LINGO2: variants seen among roughly 807,000 people sequenced by gnomAD.
LINGO2 encodes leucine-rich repeat and immunoglobulin-like domain-containing nogo receptor-interacting protein 2.
In LINGO2, 14 loss-of-function variants were observed where a neutral mutation model predicts 30.6. The ratio of observed to expected loss-of-function variants is 0.46; its 90% CI spans 0.30 to 0.72. The LOEUF (loss-of-function observed/expected upper bound fraction) is 0.72. Ranked by LOEUF, LINGO2 falls within the 30% of genes least tolerant of loss-of-function variation. LINGO2 has a pLI of 0.07. For missense variants in LINGO2, 729 were observed against 751.7 expected (o/e 0.97, Z 0.35); for synonymous variants, 317 against 288.5 (o/e 1.10, Z -1.00).
the LINGO2 span, among the ~76,000 whole-genome samples, chr9:28,941,015 C>A: frequency 5.2e-4 from 77 of 147,366 alleles, no homozygotes; most frequent in South Asian, 6.4e-4. Flanking sequence ...TTTCTCTCCA[C>A]AAAAAAAAAT....
the LINGO2 span, among the ~76,000 whole-genome samples, chr9:28,707,180 T>C: frequency 6.6e-6 from 1 of 152,096 alleles, no homozygotes; most frequent in African/African-American, 2.4e-5. Context: ...AAATAAATAA[T>C]TGTTGAATCA....
chr9:28,466,787 G>C (rs1467603826), intron 2 of LINGO2, among the ~76,000 whole-genome samples: 2 of 152,106 alleles, frequency 1.3e-5, no homozygotes, highest in East Asian at 3.9e-4. Context: ...CTAAAAGTGT[G>C]ACTTTAACTC....
the LINGO2 span, among the ~76,000 whole-genome samples, chr9:28,987,064 T>C: frequency 6.8e-6 from 1 of 146,944 alleles, no homozygotes; most frequent in Non-Finnish European, 1.5e-5. Flanking sequence ...GTTTATAAGT[T>C]CTAACAGGTT....
chr9:28,122,185 T>C (rs1318395708), intron 4 of LINGO2, among the ~76,000 whole-genome samples: 1 of 152,218 alleles, frequency 6.6e-6, no homozygotes, highest in Non-Finnish European at 1.5e-5. Flanking sequence ...TAGTGTATGC[T>C]TTCTCAGTGT....
At chr9:28,476,616 T>C (rs1825740711) in intron 1 of LINGO2, among the ~76,000 whole-genome samples, 1 of 152,250 alleles carries the variant, frequency 6.6e-6, no homozygotes, top group Non-Finnish European at 1.5e-5. Flanking sequence ...AGGAAACTCA[T>C]GTTTAAAGCC....
chr9:28,938,822 C>T, the LINGO2 span, among the ~76,000 whole-genome samples: 48 of 152,198 alleles, frequency 3.2e-4, no homozygotes, highest in African/African-American at 1.1e-3. Context: ...AAGTGATATA[C>T]GATCACACTG....
chr9:28,848,401 A>ATGTG, the LINGO2 span, among the ~76,000 whole-genome samples: 3 of 46,448 alleles, frequency 6.5e-5, no homozygotes, highest in Non-Finnish European at 9.3e-5. Context: ...GTGTGTGTAT[A>ATGTG]TATATATATA....
chr9:27,992,219 C>G (rs1821431937), intron 5 of LINGO2, among the ~76,000 whole-genome samples: 1 of 152,006 alleles, frequency 6.6e-6, no homozygotes, highest in Non-Finnish European at 1.5e-5. Context: ...AACATTTTGA[C>G]TTTATATATG....
At chr9:27,945,917 T>A (rs1195690055), downstream of LINGO2, among the ~76,000 whole-genome samples, 1 of 152,150 alleles carries the variant, frequency 6.6e-6, no homozygotes, top group Non-Finnish European at 1.5e-5. Context: ...CCCCTGAAAA[T>A]ATCTGGTCAA....
At chr9:28,186,201 C>T (rs762273413) in intron 4 of LINGO2, among the ~76,000 whole-genome samples, 4 of 152,046 alleles carry the variant, frequency 2.6e-5, no homozygotes, top group Non-Finnish European at 5.9e-5. Context: ...TTGGAAAAGT[C>T]GAGAGGGAGA....
intron 3 of LINGO2, among the ~76,000 whole-genome samples, chr9:28,334,343 T>G (rs1233573971): frequency 6.6e-6 from 1 of 152,170 alleles, no homozygotes; most frequent in Non-Finnish European, 1.5e-5. Context: ...GTACAATTAT[T>G]TAAAGACACT....
At chr9:28,181,081 G>C (rs913300870) in intron 4 of LINGO2, among the ~76,000 whole-genome samples, 3 of 152,060 alleles carry the variant, frequency 2.0e-5, no homozygotes, top group Admixed American at 1.3e-4. Flanking sequence ...TAGATGCCAG[G>C]GTAAGCTGTT....
the LINGO2 span, among the ~76,000 whole-genome samples, chr9:29,065,656 T>A: frequency 6.6e-6 from 1 of 151,990 alleles, no homozygotes; most frequent in Admixed American, 6.6e-5. Context: ...AACTGAAGTC[T>A]GCTTGCCTTT....
intron 5 of LINGO2, among the ~76,000 whole-genome samples, chr9:27,994,707 G>T (rs1029082336): frequency 6.6e-6 from 1 of 152,110 alleles, no homozygotes; most frequent in Non-Finnish European, 1.5e-5. Flanking sequence ...ATTGGCCCAC[G>T]CATGTGCACC....
the LINGO2 span, among the ~76,000 whole-genome samples, chr9:28,876,371 G>A: frequency 1.3e-5 from 2 of 151,814 alleles, no homozygotes; most frequent in Non-Finnish European, 1.5e-5. Flanking sequence ...TTTAGCATTA[G>A]GTATATCTCC....
the LINGO2 span, among the ~76,000 whole-genome samples, chr9:29,141,320 G>T: frequency 1.3e-5 from 2 of 152,070 alleles, no homozygotes; most frequent in Non-Finnish European, 2.9e-5. Context: ...GATTGTATGT[G>T]ATTGAAGTTA....
At chr9:29,137,501 T>G in the LINGO2 span, among the ~76,000 whole-genome samples, 1 of 152,168 alleles carries the variant, frequency 6.6e-6, no homozygotes. Flanking sequence ...TTACTACTGC[T>G]CTAGGTAAAC....
chr9:28,584,166 G>A (rs1335234070), intron 1 of LINGO2, among the ~76,000 whole-genome samples: 1 of 151,926 alleles, frequency 6.6e-6, no homozygotes, highest in African/African-American at 2.4e-5. Context: ...TTAGACACAT[G>A]CCCTTCTCAT....
At chr9:28,771,283 T>G in the LINGO2 span, among the ~76,000 whole-genome samples, 1 of 150,084 alleles carries the variant, frequency 6.7e-6, no homozygotes, top group Non-Finnish European at 1.5e-5. Context: ...TTTTTTTTGG[T>G]GGAAATAACT....
Sources: gnomAD v4.1 joint callset for allele counts (sites outside exome capture counted in the v4.1 genomes callset) on GRCh38, gnomAD v4.1.1 for gene constraint, MANE v1.5 for transcripts, NCBI Gene and HGNC (gene_info 2026-07-23, HGNC 2026-07-21) for gene names.